Variants in ADAM2 observed in about 807,000 individuals in gnomAD.
ADAM2 encodes the protein disintegrin and metalloproteinase domain-containing protein 2.
ADAM2 carries 101 observed loss-of-function variants against 99.3 expected under a neutral mutation model. The ratio of observed to expected loss-of-function variants is 1.02; its 90% CI spans 0.87 to 1.20. ADAM2 has a LOEUF of 1.20. ADAM2 is among the 50% of genes most tolerant of loss of function. ADAM2 has a pLI of 0.00. For synonymous variants in ADAM2, 323 were observed against 287.6 expected, an observed-to-expected ratio of 1.12 and a Z score of -1.25; for missense variants, 948 against 878.7, an observed-to-expected ratio of 1.08 and a Z score of -1.00.
intron 7 of ADAM2, among the ~76,000 whole-genome samples, chr8:39,797,263 A>G (rs891487919): frequency 2.0e-5 from 3 of 152,214 alleles, no homozygotes; most frequent in African/African-American, 7.2e-5. Context: ...AGTTTTCTGC[A>G]TATGGCTAGC....
At chr8:39,804,511 T>C (rs1804356722) in intron 7 of ADAM2, among the ~76,000 whole-genome samples, 1 of 151,958 alleles carries the variant, frequency 6.6e-6, no homozygotes, top group Non-Finnish European at 1.5e-5. Flanking sequence ...TTGAGAGGCT[T>C]AAATATAAGA....
chr8:39,766,976 C>T lies in ADAM2; in HGVS notation c.1379G>A (p.Gly460Glu). 1 of 1,614,120 alleles carries T rather than the reference C, an allele frequency of 6.2e-7. No homozygotes were observed. Among genetic ancestry groups the T allele is most frequent in the Non-Finnish European group, 8.5e-7 (1 of 1,180,022 alleles). The change falls in exon 14 of 21, where the codon GGA (glycine) becomes GAA (glutamate). Residue 460 changes from glycine (G) to glutamate (E), a missense_variant. Transcript: ENST00000265708. The stretch of plus-strand genomic sequence containing the variant: ...GTTTTCTGGGCATGATGCAGATGAT[C>T]CATTGCAATATTCAGGGAGGTCGCA... ...EECDLPEYCNGSSASCPENHY... is the reference protein window; with the variant it reads ...EECDLPEYCNESSASCPENHY...
Position 39,834,116 on chromosome 8 carries a change from GA to G in ADAM2, c.133-118del, listed in dbSNP as rs1456333007. ...AAAACACATTCATTTAATAAAAGGA[GA>G]AAAAATAGAATTTAATGCTGATTTA... is the stretch of plus-strand genomic sequence containing the variant. On this transcript the variant is annotated intron_variant, in intron 2 of 20. Transcript: ENST00000265708. The G allele has an allele frequency of 5.4e-6, 3 of 557,846 alleles. No individual in the cohort carries two copies. In the African/African-American group the frequency reaches 5.8e-5, roughly 11 times the overall value. 34.6% of individuals were successfully genotyped at this position (557,846 alleles called of 1,614,324 possible).
At chr8:39,745,277 T>C (rs1823400045) in intron 19 of ADAM2, among the ~76,000 whole-genome samples, 1 of 152,182 alleles carries the variant, frequency 6.6e-6, no homozygotes, top group African/African-American at 2.4e-5. Context: ...TATTCCACAA[T>C]AGTTATCCAA....
chr8:39,823,012 C>T (rs1665086510), intron 4 of ADAM2, among the ~76,000 whole-genome samples: 1 of 152,126 alleles, frequency 6.6e-6, no homozygotes, highest in African/African-American at 2.4e-5. Flanking sequence ...CATGATCTGC[C>T]CGCGTTGGCC....
In ADAM2 at chr8:39,806,725, A is replaced by G. The variant is rs1040106957; in HGVS notation, c.570+2685T>C. 1.3e-4 allele frequency among the ~76,000 whole-genome samples: 20 copies of G among 152,130 alleles called. 1 individual carries two copies. Among genetic ancestry groups the G allele is most frequent in the Admixed American group, 5.9e-4 (9 of 15,282 alleles). ...TAGAGAAACTGTAAAGCAAAGCAGA[A>G]CCAAAAGTTGAAGATTTGGAGATTT... On this transcript the variant is annotated intron_variant, in intron 7 of 20. Coordinates refer to ENST00000265708, the MANE Select transcript of ADAM2 (RefSeq NM_001464.5).
At chr8:39,818,138 A>G in intron 6 of ADAM2, 1 of 152,036 alleles carries the variant, frequency 6.6e-6, no homozygotes, top group East Asian at 1.9e-4. Flanking sequence ...ACAAGTCTGC[A>G]CAGCAATATT....
intron 9 of ADAM2, 58 bp from the exon 10 acceptor site, chr8:39,787,113 T>A: frequency 9.3e-7 from 1 of 1,078,774 alleles, no homozygotes; most frequent in Non-Finnish European, 1.3e-6. Context: ...TATGAATTTT[T>A]ATAAGACAAA....
At chr8:39,831,883 T>A (rs1010342081) in intron 3 of ADAM2, among the ~76,000 whole-genome samples, 4 of 152,266 alleles carry the variant, frequency 2.6e-5, no homozygotes, top group African/African-American at 7.2e-5. Context: ...TTTAAAAGCA[T>A]CCCAGGAAAG....
At chr8:39,794,223 T>C (rs1288451894) in intron 7 of ADAM2, among the ~76,000 whole-genome samples, 2 of 152,164 alleles carry the variant, frequency 1.3e-5, no homozygotes, top group Non-Finnish European at 2.9e-5. Context: ...ATGTACAGAG[T>C]ATTTTTCTAT....
chr8:39,837,274 A>G (rs1374012093), intron 1 of ADAM2, 62 bp from the exon 2 acceptor site: 7 of 1,185,210 alleles, frequency 5.9e-6, no homozygotes, highest in Non-Finnish European at 8.5e-6. Context: ...GTGTTTTATG[A>G]GTTTTTCATC....
chr8:39,778,103 A>T (rs1191934294), intron 10 of ADAM2, among the ~76,000 whole-genome samples: 1 of 150,224 alleles, frequency 6.7e-6, no homozygotes, highest in Non-Finnish European at 1.5e-5. Flanking sequence ...TTTTTGTAAG[A>T]GTAAGATGCT....
intron 7 of ADAM2, among the ~76,000 whole-genome samples, chr8:39,805,587 A>AAAT (rs1179050503): frequency 2.0e-5 from 3 of 152,262 alleles, no homozygotes; most frequent in African/African-American, 4.8e-5. Flanking sequence ...CTATGGTAAA[A>AAAT]AATAATAATA....
chr8:39,752,468 C>T (rs1357079024), intron 16 of ADAM2, among the ~76,000 whole-genome samples: 1 of 152,130 alleles, frequency 6.6e-6, no homozygotes, highest in Non-Finnish European at 1.5e-5. Flanking sequence ...CAATCCCTTC[C>T]CTCAAACTGA....
chr8:39,808,847 C>T (rs145297149), intron 7 of ADAM2, among the ~76,000 whole-genome samples: 9 of 152,018 alleles, frequency 5.9e-5, no homozygotes, highest in Non-Finnish European at 1.0e-4. Flanking sequence ...ACCCATGAAG[C>T]GGAGTTTGCA....
At position 39,769,562 on chromosome 8, in the gene ADAM2, C is replaced by T. The variant is rs981783463; in HGVS notation, c.1042G>A (p.Val348Met). ...MNPEAIHFSGVKIFSNCSFED... is the reference protein window; with the variant it reads ...MNPEAIHFSGMKIFSNCSFED... Reference sequence around the variant, plus strand: ...AAGCTGCAGTTACTAAAGATCTTCACACCACTGAAATGACTAAAGACACAT... The same window carrying T: ...AAGCTGCAGTTACTAAAGATCTTCATACCACTGAAATGACTAAAGACACAT... Residue 348 changes from valine (V) to methionine (M), a missense_variant, in exon 12 of 21, where the codon GTG (valine) becomes ATG (methionine). Transcript: ENST00000265708. The T allele has an allele frequency of 5.6e-6, 9 of 1,612,738 alleles. No homozygotes were observed. The highest frequency in any genetic ancestry group is 7.6e-6 in the Non-Finnish European group (9 of 1,178,960).
intron 10 of ADAM2, among the ~76,000 whole-genome samples, chr8:39,784,999 G>C (rs1803401652): frequency 6.6e-6 from 1 of 152,078 alleles, no homozygotes; most frequent in Admixed American, 6.5e-5. Flanking sequence ...CCTTTCTGTA[G>C]GTTGTCTGTT....
intron 15 of ADAM2, among the ~76,000 whole-genome samples, chr8:39,757,786 T>C (rs1019904348): frequency 2.6e-5 from 4 of 152,180 alleles, no homozygotes; most frequent in Admixed American, 6.5e-5. Context: ...CGTTATGTAT[T>C]AGTCATATTA....
chr8:39,833,987 T>C lies in ADAM2; in HGVS notation c.145A>G (p.Ile49Val). 1 of 1,575,400 alleles carries C rather than the reference T, an allele frequency of 6.3e-7. No homozygotes were observed. Among genetic ancestry groups the C allele is most frequent in the Non-Finnish European group, 8.7e-7 (1 of 1,148,236 alleles). The change falls in exon 3 of 21, where the codon ATT (isoleucine) becomes GTT (valine). Residue 49 changes from isoleucine (I) to valine (V), a missense_variant. Coordinates refer to ENST00000265708, the MANE Select transcript of ADAM2 (RefSeq NM_001464.5). ...GTATATGGTTTCCCTTCAATTACAA[T>C]TTTGTAGGATGCCTGGCAGGAGAGC... ...EGIESQASYK[I>V]VIEGKPYTVN...
Sources: gnomAD v4.1 joint callset for allele counts (sites outside exome capture counted in the v4.1 genomes callset) on GRCh38, gnomAD v4.1.1 for gene constraint, MANE v1.5 for transcripts, NCBI Gene and HGNC (gene_info 2026-07-23, HGNC 2026-07-21) for gene names.